ITSN1: variants seen among roughly 807,000 people sequenced by gnomAD.
ITSN1 encodes the protein intersectin 1, also known as intersectin-1.
Under a neutral mutation model 239.8 loss-of-function variants are expected in ITSN1, and 58 were observed. The ratio of observed to expected loss-of-function variants is 0.24; its 90% CI spans 0.20 to 0.30. The LOEUF is 0.30. Ranked by LOEUF, ITSN1 falls within the 10% of genes least tolerant of loss-of-function variation. ITSN1 has a pLI of 1.00. For synonymous variants in ITSN1, 780 were observed against 770.8 expected (o/e 1.01, Z -0.20); for missense variants, 1,558 against 2,103.3 (o/e 0.74, Z 5.07).
intron 1 of ITSN1, chr21:33,643,488 T>G (rs2087632046): frequency 1.3e-5 from 2 of 152,050 alleles, no homozygotes; most frequent in Admixed American, 1.3e-4. Context: ...CTTCCTGCGC[T>G]TCTGCTTGCC....
At chr21:33,773,333 T>C (rs571835454) in intron 12 of ITSN1, among the ~76,000 whole-genome samples, 1 of 152,158 alleles carries the variant, frequency 6.6e-6, no homozygotes, top group Admixed American at 6.5e-5. Flanking sequence ...TTAAACTCTT[T>C]TAAAAATATG....
At chr21:33,722,160 T>C (rs2065526465) in intron 3 of ITSN1, among the ~76,000 whole-genome samples, 1 of 152,138 alleles carries the variant, frequency 6.6e-6, no homozygotes, top group Non-Finnish European at 1.5e-5. Flanking sequence ...TTCTTAATCA[T>C]TGTTATTTAT....
Position 33,737,123 on chromosome 21 carries a change from C to G in ITSN1, c.346+1919C>G, listed in dbSNP as rs573218638. ...CTCCTTTTTCTCTCAAACCTGGGGT[C>G]AATAATTTTTCCTGTACCATTTAAT... On this transcript the variant is annotated intron_variant, in intron 5 of 39. Transcript: ENST00000381318. Among the ~76,000 whole-genome samples the G allele has an allele frequency of 9.8e-5, 15 of 152,310 alleles. No homozygotes were observed. In the East Asian group the frequency reaches 2.9e-3, roughly 29 times the overall value.
intron 19 of ITSN1, 106 bp from the exon 20 acceptor site, chr21:33,802,324 C>T (rs760385612): frequency 2.1e-5 from 24 of 1,128,450 alleles, no homozygotes; most frequent in Non-Finnish European, 3.0e-5. Context: ...GGCTAGTTAA[C>T]CACCAGCTTG....
At position 33,892,734 on chromosome 21, in the gene ITSN1, A is replaced by T. The variant is rs1986444754; in HGVS notation, c.*4434A>T. ...CACTCAGTTCATTTTAGGGACGTTCAATGCTTGATCAAATGGGGGGCATTT... is the reference window on the plus strand; with the variant it reads ...CACTCAGTTCATTTTAGGGACGTTCTATGCTTGATCAAATGGGGGGCATTT... On this transcript the variant is annotated 3_prime_UTR_variant, in exon 40 of 40. Transcript: ENST00000381318. 1 of 152,206 alleles carries T rather than the reference A, an allele frequency of 6.6e-6. No homozygotes were observed. The highest frequency in any genetic ancestry group is 2.4e-5 in the African/African-American group (1 of 41,436). 9.4% of individuals were successfully genotyped at this position (152,206 alleles called of 1,614,324 possible).
At position 33,814,018 on chromosome 21, in the gene ITSN1, C is replaced by G. The variant is rs756301791; in HGVS notation, c.2673C>G (p.Ser891=). The change falls in exon 22 of 40, where the codon TCC becomes TCG. Residue 891 remains serine (S), a synonymous_variant. Coordinates refer to ENST00000381318, the MANE Select transcript of ITSN1 (RefSeq NM_003024.3). ...GTGCCGGCCAGTTAAGGCAGAGGTC[C>G]GCCTTTACTCCAGCCACGGCCACTG... The part of the protein sequence containing the change: ...VPSAGQLRQR[S]AFTPATATGS... 6.2e-7 allele frequency: 1 copy of G among 1,614,154 alleles called. No individual in the cohort carries two copies. Among genetic ancestry groups the G allele is most frequent in the Admixed American group, 1.7e-5 (1 of 60,024 alleles).
Position 33,750,290 on chromosome 21 carries a change from T to C in ITSN1, c.494T>C (p.Val165Ala), listed in dbSNP as rs2067463387. The C allele has an allele frequency of 6.2e-7, 1 of 1,613,536 alleles. No individual in the cohort carries two copies. The highest frequency in any genetic ancestry group is 1.3e-5 in the African/African-American group (1 of 74,930). The change falls in exon 6 of 40, where the codon GTT becomes GCT. Residue 165 changes from valine to alanine, a missense_variant. Coordinates refer to ENST00000381318, the MANE Select transcript of ITSN1 (RefSeq NM_003024.3). ...VPPLANGAPPVIQPLPAFAHP... is the reference protein window; with the variant it reads ...VPPLANGAPPAIQPLPAFAHP... ...CCCCTGGCTAACGGGGCTCCCCCTG[T>C]TATACAACCTCTGCCTGCATTTGCT... is the stretch of plus-strand genomic sequence containing the variant.
intron 4 of ITSN1, among the ~76,000 whole-genome samples, chr21:33,730,833 G>A (rs1222073363): frequency 6.6e-6 from 1 of 151,894 alleles, no homozygotes; most frequent in African/African-American, 2.4e-5. Context: ...CCAAATAGCT[G>A]GGACTACAGG....
chr21:33,764,253 G>C (rs7283663), intron 9 of ITSN1, among the ~76,000 whole-genome samples: 5,659 of 152,112 alleles, frequency 0.037, 361 homozygotes, highest in African/African-American at 0.13. Context: ...TTATATTCTG[G>C]TGCTACACAC....
At chr21:33,719,458 A>C (rs942152640) in intron 2 of ITSN1, among the ~76,000 whole-genome samples, 1 of 152,126 alleles carries the variant, frequency 6.6e-6, no homozygotes, top group African/African-American at 2.4e-5. Context: ...ACAAACAAAC[A>C]AACAATACCA....
At chr21:33,715,102 CAACA>C (rs1316957771) in intron 1 of ITSN1, among the ~76,000 whole-genome samples, 1 of 152,054 alleles carries the variant, frequency 6.6e-6, no homozygotes, top group Non-Finnish European at 1.5e-5. Context: ...TAAAATACAA[CAACA>C]AACCAACCTA....
chr21:33,790,704 G>T (rs2071055613), intron 16 of ITSN1, among the ~76,000 whole-genome samples: 1 of 152,174 alleles, frequency 6.6e-6, no homozygotes, highest in East Asian at 1.9e-4. Flanking sequence ...CAAATTCCAT[G>T]TGGATTTAAT....
intron 14 of ITSN1, among the ~76,000 whole-genome samples, chr21:33,778,091 A>G (rs1028689784): frequency 6.6e-6 from 1 of 152,176 alleles, no homozygotes; most frequent in Non-Finnish European, 1.5e-5. Flanking sequence ...TGCCATTTGA[A>G]TGTTAAATCA....
intron 29 of ITSN1, among the ~76,000 whole-genome samples, chr21:33,854,711 C>T (rs1978984218): frequency 6.6e-6 from 1 of 152,190 alleles, no homozygotes; most frequent in East Asian, 1.9e-4. Flanking sequence ...ACAATCTATG[C>T]CCTGAGGCAG....
intron 12 of ITSN1, among the ~76,000 whole-genome samples, chr21:33,772,758 C>T (rs1472166746): frequency 6.6e-6 from 1 of 152,150 alleles, no homozygotes; most frequent in South Asian, 2.1e-4. Flanking sequence ...TTAATTCATT[C>T]AGCAGTTGAT....
At chr21:33,666,825 C>T (rs555507347) in intron 1 of ITSN1, among the ~76,000 whole-genome samples, 1 of 152,172 alleles carries the variant, frequency 6.6e-6, no homozygotes, top group East Asian at 1.9e-4. Context: ...TATTTAGAGA[C>T]GGGGCTTTGC....
At chr21:33,832,667 T>G (rs1284445426) in intron 27 of ITSN1, among the ~76,000 whole-genome samples, 1 of 152,100 alleles carries the variant, frequency 6.6e-6, no homozygotes, top group Non-Finnish European at 1.5e-5. Context: ...AACGTGGAAA[T>G]TTGTAACCAG....
rs557091893 is a variant in ITSN1, at chr21:33,891,859, G to A, written c.*3559G>A. ...CACTCCAAGTCGTTTTTTTCTAGTT[G>A]ATTGGGCCTTTTTGATTGATAAGAA... On this transcript the variant is annotated 3_prime_UTR_variant, in exon 40 of 40. Coordinates refer to ENST00000381318, the MANE Select transcript of ITSN1 (RefSeq NM_003024.3). 6.6e-6 allele frequency: 1 copy of A among 151,982 alleles called. No homozygotes were observed. Among genetic ancestry groups the A allele is most frequent in the African/African-American group, 2.4e-5 (1 of 41,496 alleles). 9.4% of individuals were successfully genotyped at this position (151,982 alleles called of 1,614,324 possible).
intron 1 of ITSN1, among the ~76,000 whole-genome samples, chr21:33,704,089 T>G (rs554531056): frequency 1.3e-5 from 2 of 152,332 alleles, no homozygotes; most frequent in South Asian, 4.1e-4. Context: ...CTCATAGAGA[T>G]AGAACTGATT....
Sources: gnomAD v4.1 joint callset for allele counts (sites outside exome capture counted in the v4.1 genomes callset) on GRCh38, gnomAD v4.1.1 for gene constraint, MANE v1.5 for transcripts, NCBI Gene and HGNC (gene_info 2026-07-23, HGNC 2026-07-21) for gene names.